The following CAV1 variants were observed in gnomAD, a reference collection of about 807,000 sequenced individuals.
The protein encoded by CAV1 is caveolin 1.
Under a neutral mutation model 16.5 loss-of-function variants are expected in CAV1, and 10 were observed. The observed-to-expected ratio is 0.61, with a 90% CI of 0.37 to 1.03. The LOEUF (loss-of-function observed/expected upper bound fraction) is 1.03. Among genes scored for constraint, CAV1 ranks in the 50% least tolerant of loss-of-function variants. CAV1 has a pLI of 0.01. For missense variants in CAV1, 212 were observed against 232.8 expected, an observed-to-expected ratio of 0.91 and a Z score of 0.58; for synonymous variants, 76 against 85.1, an observed-to-expected ratio of 0.89 and a Z score of 0.59.
intron 2 of CAV1, among the ~76,000 whole-genome samples, chr7:116,544,547 G>A (rs1360101847): frequency 1.3e-5 from 2 of 152,154 alleles, no homozygotes. Flanking sequence ...AGAAAAGAAG[G>A]TGGGGGCTAG....
intron 2 of CAV1, among the ~76,000 whole-genome samples, chr7:116,558,412 G>C (rs10953822): frequency 0.27 from 39,906 of 148,842 alleles, 5,366 homozygotes; most frequent in African/African-American, 0.34. Context: ...AAATATCCTG[G>C]GTTCCACCCT....
intron 2 of CAV1, among the ~76,000 whole-genome samples, chr7:116,534,387 A>ATGTTTTT (rs1196588254): frequency 1.1e-4 from 1 of 9,250 alleles, no homozygotes; most frequent in African/African-American, 2.9e-4. Context: ...ATATATATAT[A>ATGTTTTT]TATATATATT....
intron 2 of CAV1, among the ~76,000 whole-genome samples, chr7:116,541,001 A>G (rs760810456): frequency 9.2e-5 from 14 of 152,210 alleles, no homozygotes; most frequent in Non-Finnish European, 1.9e-4. Flanking sequence ...TCCACATGCC[A>G]TACCTCCTTG....
At chr7:116,554,039 T>C (rs1794215654) in intron 2 of CAV1, among the ~76,000 whole-genome samples, 3 of 152,318 alleles carry the variant, frequency 2.0e-5, no homozygotes, top group African/African-American at 7.2e-5. Flanking sequence ...AATGGGAAGA[T>C]ATACTTGGTC....
At chr7:116,558,814 T>C in intron 2 of CAV1, 132 bp from the exon 3 acceptor site, 1 of 689,204 alleles carries the variant, frequency 1.5e-6, no homozygotes, top group Non-Finnish European at 2.6e-6. Context: ...ATGCTGCTGG[T>C]TGCCTTTAAG....
At chr7:116,527,458 C>T (rs954579835) in intron 2 of CAV1, among the ~76,000 whole-genome samples, 4 of 152,174 alleles carry the variant, frequency 2.6e-5, no homozygotes, top group African/African-American at 4.8e-5. Flanking sequence ...TTCATACTTT[C>T]AGGATGTGCT....
At chr7:116,525,746 C>A in intron 1 of CAV1, 1 of 1,054,774 alleles carries the variant, frequency 9.5e-7, no homozygotes, top group Non-Finnish European at 1.2e-6. Context: ...CGTAGCTGCC[C>A]TTCAGCCACC....
chr7:116,553,866 A>G (rs1004520344), intron 2 of CAV1, among the ~76,000 whole-genome samples: 2 of 152,178 alleles, frequency 1.3e-5, no homozygotes, highest in African/African-American at 4.8e-5. Flanking sequence ...CCACTCAACA[A>G]TAGGCCTGTG....
At position 116,534,360 on chromosome 7, in the gene CAV1, C is replaced by CAGAT. The variant is rs1562829814; in HGVS notation, c.195+7673_195+7676dup. On this transcript the variant is annotated intron_variant, in intron 2 of 2. Coordinates refer to ENST00000341049, the MANE Select transcript of CAV1 (RefSeq NM_001753.5). ...CAAATACAGATGCCTGGGCCCACCT[C>CAGAT]AGATATATATATATATATATATATA... 1.4e-4 allele frequency among the ~76,000 whole-genome samples: 11 copies of CAGAT among 78,898 alleles called. No individual in the cohort carries two copies. The South Asian group carries it at 3.4e-3, about 24-fold the overall frequency. 51.8% of individuals were successfully genotyped at this position (78,898 alleles called of 152,430 possible).
chr7:116,535,464 C>T (rs1025788279), intron 2 of CAV1, among the ~76,000 whole-genome samples: 1 of 152,202 alleles, frequency 6.6e-6, no homozygotes, highest in Non-Finnish European at 1.5e-5. Context: ...GACATCCTTC[C>T]ATCACATATT....
At chr7:116,534,362 GATAT>G (rs1181031913) in intron 2 of CAV1, among the ~76,000 whole-genome samples, 1,000 of 42,482 alleles carry the variant, frequency 0.024, 74 homozygotes, top group African/African-American at 0.068. Context: ...GCCCACCTCA[GATAT>G]ATATATATAT....
At chr7:116,538,192 T>C (rs555729732) in intron 2 of CAV1, among the ~76,000 whole-genome samples, 24 of 152,310 alleles carry the variant, frequency 1.6e-4, no homozygotes, top group African/African-American at 5.8e-4. Context: ...AGGAAACAAT[T>C]GAGAAAAACC....
intron 2 of CAV1, among the ~76,000 whole-genome samples, chr7:116,534,562 G>A (rs1393159965): frequency 1.3e-5 from 2 of 150,138 alleles, no homozygotes; most frequent in East Asian, 2.0e-4. Context: ...ACCACGGCTG[G>A]CTAATTTTTT....
chr7:116,546,791 G>T (rs1794060702), intron 2 of CAV1, among the ~76,000 whole-genome samples: 1 of 151,904 alleles, frequency 6.6e-6, no homozygotes, highest in Admixed American at 6.6e-5. Context: ...TTTTGGTGAG[G>T]GAATGTGTGT....
chr7:116,559,146 A>C lies in CAV1; in HGVS notation c.396A>C (p.Pro132=). The change falls in exon 3 of 3, where the codon CCA becomes CCC. Residue 132 remains proline, a synonymous_variant. Coordinates refer to ENST00000341049, the MANE Select transcript of CAV1 (RefSeq NM_001753.5). ...LSFLHIWAVV[P]CIKSFLIEIQ... ...TCCTGCACATCTGGGCAGTTGTACCATGCATTAAGAGCTTCCTGATTGAGA... is the reference window on the plus strand; with the variant it reads ...TCCTGCACATCTGGGCAGTTGTACCCTGCATTAAGAGCTTCCTGATTGAGA... 1 of 1,613,896 alleles carries C rather than the reference A, an allele frequency of 6.2e-7. No homozygotes were observed. Among genetic ancestry groups the C allele is most frequent in the Non-Finnish European group, 8.5e-7 (1 of 1,179,914 alleles).
chr7:116,545,590 C>T (rs943377631), intron 2 of CAV1, among the ~76,000 whole-genome samples: 11 of 152,120 alleles, frequency 7.2e-5, no homozygotes, highest in Admixed American at 3.3e-4. Context: ...TGAGGTAAGA[C>T]GAAAGCTATT....
intron 2 of CAV1, 76 bp from the exon 3 acceptor site, chr7:116,558,870 T>C (rs1794344529): frequency 1.8e-6 from 2 of 1,084,700 alleles, no homozygotes; most frequent in African/African-American, 1.6e-5. Context: ...AGTATATGTC[T>C]ATGGATACTG....
intron 2 of CAV1, among the ~76,000 whole-genome samples, chr7:116,542,083 AC>A (rs1441505638): frequency 1.3e-5 from 2 of 152,226 alleles, no homozygotes; most frequent in African/African-American, 4.8e-5. Context: ...CAAGTGGTAA[AC>A]ATTGAAAAAT....
chr7:116,531,075 G>T (rs1168042451), intron 2 of CAV1, among the ~76,000 whole-genome samples: 1 of 152,188 alleles, frequency 6.6e-6, no homozygotes, highest in Non-Finnish European at 1.5e-5. Flanking sequence ...ATGGTTACCA[G>T]GCTGGCCTCC....
Sources: allele counts gnomAD v4.1 joint callset (sites outside exome capture counted in the v4.1 genomes callset), GRCh38; gene constraint gnomAD v4.1.1; transcripts MANE v1.5; gene names NCBI Gene and HGNC (gene_info 2026-07-23, HGNC 2026-07-21).